SMCHD1: variants seen among roughly 807,000 people sequenced by gnomAD.
SMCHD1 encodes the protein structural maintenance of chromosomes flexible hinge domain containing 1, also known as structural maintenance of chromosomes flexible hinge domain-containing protein 1.
In SMCHD1, 78 loss-of-function variants were observed where a neutral mutation model predicts 254.7. The ratio of observed to expected loss-of-function variants is 0.31; its 90% CI spans 0.26 to 0.37. The LOEUF is 0.37. SMCHD1 is among the 10% of genes least tolerant of loss of function. The pLI is 1.00. For missense variants in SMCHD1, 1,840 were observed against 2,408.1 expected, an observed-to-expected ratio of 0.76 and a Z score of 4.94; for synonymous variants, 766 against 794.9, an observed-to-expected ratio of 0.96 and a Z score of 0.61.
intron 37 of SMCHD1, among the ~76,000 whole-genome samples, chr18:2,768,356 T>C (rs1277992189): frequency 6.6e-6 from 1 of 152,014 alleles, no homozygotes. Context: ...ATGATTGATA[T>C]TAAATGTTGG....
At position 2,795,930 on chromosome 18, in the gene SMCHD1, G is replaced by C; in HGVS notation, c.5720-19G>C. ...TTTAATAGCAGTAATTTAATCAAAT[G>C]CATTTGGTTTCTTTACAGATCTTCT... On this transcript the variant is annotated intron_variant, in intron 45 of 47. Transcript: ENST00000320876. The C allele has an allele frequency of 1.3e-6, 2 of 1,549,860 alleles. No homozygotes were observed. The highest frequency in any genetic ancestry group is 1.7e-6 in the Non-Finnish European group (2 of 1,147,188).
chr18:2,774,815 A>C (rs930165959), intron 41 of SMCHD1, among the ~76,000 whole-genome samples: 1 of 152,212 alleles, frequency 6.6e-6, no homozygotes. Flanking sequence ...AGCACAATGA[A>C]CTAGGCTTTG....
At chr18:2,767,057 G>A (rs1462306659) in intron 37 of SMCHD1, among the ~76,000 whole-genome samples, 2 of 152,090 alleles carry the variant, frequency 1.3e-5, no homozygotes, top group Non-Finnish European at 1.5e-5. Flanking sequence ...AGGATTTCAA[G>A]ACCAGCTTGG....
intron 1 of SMCHD1, among the ~76,000 whole-genome samples, chr18:2,665,265 A>G (rs1301844430): frequency 6.7e-6 from 1 of 149,924 alleles, no homozygotes; most frequent in Non-Finnish European, 1.5e-5. Flanking sequence ...TTGTGTTTTT[A>G]CTTTTTCTCT....
intron 27 of SMCHD1, among the ~76,000 whole-genome samples, chr18:2,739,947 A>T (rs2143541881): frequency 1.3e-5 from 2 of 149,816 alleles, no homozygotes; most frequent in East Asian, 2.0e-4. Context: ...TTTTTTTAAC[A>T]TTATACTTTA....
chr18:2,697,999 T>C lies in SMCHD1; in HGVS notation c.1300T>C (p.Tyr434His). Reference sequence around the variant, plus strand: ...GATTATCCGTTATCATCCATTCTTATATGATAGAGAAACTTACCCTGATGA... The same window carrying C: ...GATTATCCGTTATCATCCATTCTTACATGATAGAGAAACTTACCCTGATGA... ...EGIIRYHPFL[Y>H]DRETYPDDPC... is the part of the protein sequence containing the mutation. Residue 434 changes from tyrosine (Y) to histidine (H), a missense_variant, in exon 10 of 48, where the codon TAT becomes CAT. By Grantham distance (83) the Tyr-to-His change is moderately conservative (BLOSUM62 2). Around this residue, in one of 9 missense-constraint regions of SMCHD1, gnomAD observed 498 missense variants for 743.5 expected, o/e 0.67. Coordinates refer to ENST00000320876, the MANE Select transcript of SMCHD1 (RefSeq NM_015295.3). 1 of 1,613,526 alleles carries C rather than the reference T, an allele frequency of 6.2e-7. No individual in the cohort carries two copies. Among genetic ancestry groups the C allele is most frequent in the Non-Finnish European group, 8.5e-7 (1 of 1,179,570 alleles).
At chr18:2,747,072 C>T (rs139802502) in intron 29 of SMCHD1, among the ~76,000 whole-genome samples, 15 of 152,226 alleles carry the variant, frequency 9.9e-5, no homozygotes, top group African/African-American at 3.6e-4. Flanking sequence ...CTACAGATTG[C>T]CAATGCTAAA....
chr18:2,789,015 TTTTGTTTG>T (rs148828025), intron 45 of SMCHD1, among the ~76,000 whole-genome samples: 1 of 151,720 alleles, frequency 6.6e-6, no homozygotes, highest in Non-Finnish European at 1.5e-5. Flanking sequence ...GTTTTTCTTT[TTTTGTTTG>T]TTTGTTTGTT....
chr18:2,731,004 C>T (rs1219365560), intron 24 of SMCHD1, among the ~76,000 whole-genome samples: 1 of 152,156 alleles, frequency 6.6e-6, no homozygotes, highest in East Asian at 1.9e-4. Flanking sequence ...TACTACAGAC[C>T]ACTCAGGAGA....
chr18:2,747,724 T>G, intron 30 of SMCHD1, 77 bp downstream of exon 30: 1 of 1,132,186 alleles, frequency 8.8e-7, no homozygotes, highest in Non-Finnish European at 1.2e-6. Context: ...AGCTGTCATA[T>G]TGCTTCTTTT....
chr18:2,708,402 G>A (rs2074571135), intron 17 of SMCHD1, among the ~76,000 whole-genome samples: 1 of 152,054 alleles, frequency 6.6e-6, no homozygotes, highest in Admixed American at 6.6e-5. Flanking sequence ...GGTGGCACGA[G>A]CCTATATAGT....
intron 17 of SMCHD1, among the ~76,000 whole-genome samples, chr18:2,714,829 T>C (rs963965848): frequency 6.6e-6 from 1 of 152,038 alleles, no homozygotes; most frequent in African/African-American, 2.4e-5. Context: ...GGACACAAGA[T>C]TTGTGGTTGA....
chr18:2,750,396 A>G lies in SMCHD1; in HGVS notation c.4054A>G (p.Ile1352Val), dbSNP rs761608747. 1.2e-5 allele frequency: 20 copies of G among 1,612,784 alleles called. No homozygotes were observed. Among genetic ancestry groups the G allele is most frequent in the Non-Finnish European group, 1.5e-5 (18 of 1,179,210 alleles). The change falls in exon 32 of 48, where the codon ATA (isoleucine) becomes GTA (valine). Residue 1352 changes from isoleucine (I) to valine (V), a missense_variant. Transcript: ENST00000320876. ...TAAAGCCATCTATAACAAAAGTATC[A>G]TAGAAGGACCTATAATTAAGTTAAT... Reference protein sequence around the residue: ...QVKAIYNKSIIEGPIIKLMIL... With the variant: ...QVKAIYNKSIVEGPIIKLMIL...
At chr18:2,660,554 A>G (rs1039623534) in intron 1 of SMCHD1, among the ~76,000 whole-genome samples, 20 of 148,372 alleles carry the variant, frequency 1.3e-4, no homozygotes, top group African/African-American at 5.0e-4. Context: ...GCTCACTGCA[A>G]CCTCCGCCTC....
intron 29 of SMCHD1, among the ~76,000 whole-genome samples, chr18:2,745,678 A>G (rs999712737): frequency 1.3e-5 from 2 of 152,182 alleles, no homozygotes; most frequent in Non-Finnish European, 1.5e-5. Context: ...TTTGAGGTGG[A>G]AAAAGTCTGG....
chr18:2,665,810 A>G (rs989226951), intron 1 of SMCHD1, among the ~76,000 whole-genome samples: 3 of 152,158 alleles, frequency 2.0e-5, no homozygotes, highest in Non-Finnish European at 2.9e-5. Flanking sequence ...CTTTGTTCCA[A>G]ATAAGTTGAT....
intron 5 of SMCHD1, among the ~76,000 whole-genome samples, chr18:2,687,036 A>G (rs1209976104): frequency 6.6e-6 from 1 of 151,840 alleles, no homozygotes; most frequent in Non-Finnish European, 1.5e-5. Context: ...TTTAACATGC[A>G]TATTTAACTT....
chr18:2,712,927 CACTT>C (rs2074714088), intron 17 of SMCHD1, among the ~76,000 whole-genome samples: 1 of 152,238 alleles, frequency 6.6e-6, no homozygotes, highest in African/African-American at 2.4e-5. Flanking sequence ...ATCTCATCCT[CACTT>C]ACCATACCTC....
At chr18:2,724,748 C>A in intron 20 of SMCHD1, 151 bp from the exon 21 acceptor site, 2 of 422,510 alleles carry the variant, frequency 4.7e-6, no homozygotes, top group Admixed American at 3.7e-5. Context: ...AAAAGAAATC[C>A]ATTGGAATTT....
Sources: allele counts gnomAD v4.1 joint callset (sites outside exome capture counted in the v4.1 genomes callset), GRCh38; gene constraint gnomAD v4.1.1; regional missense constraint gnomAD v4.1.1; transcripts MANE v1.5; gene names NCBI Gene and HGNC (gene_info 2026-07-23, HGNC 2026-07-21).